The following PIK3C2G variants were observed in gnomAD, a reference collection of about 807,000 sequenced individuals.
PIK3C2G encodes the protein phosphatidylinositol 3-kinase C2 domain-containing subunit gamma.
Under a neutral mutation model 181.1 loss-of-function variants are expected in PIK3C2G, and 168 were observed. That is an observed-to-expected ratio of 0.93 (90% CI 0.82 to 1.05). PIK3C2G has a LOEUF of 1.05. Among genes scored for constraint, PIK3C2G ranks in the 50% least tolerant of loss-of-function variants. The probability of loss-of-function intolerance (pLI) is 0.00; values close to 1 mark genes in which losing one functional copy is unlikely to be tolerated. For synonymous variants in PIK3C2G, 573 were observed against 592.2 expected (o/e 0.97, Z 0.47); for missense variants, 1,869 against 1,732.8 (o/e 1.08, Z -1.40).
At chr12:18,352,791 T>A (rs1349974277) in intron 11 of PIK3C2G, among the ~76,000 whole-genome samples, 1 of 152,088 alleles carries the variant, frequency 6.6e-6, no homozygotes, top group Non-Finnish European at 1.5e-5. Context: ...CTGGCCAAAC[T>A]CTTCTTTGAG....
At chr12:18,501,708 G>A (rs1941496689) in intron 22 of PIK3C2G, among the ~76,000 whole-genome samples, 1 of 152,164 alleles carries the variant, frequency 6.6e-6, no homozygotes, top group Admixed American at 6.6e-5. Context: ...TAGCCACCAT[G>A]ATTACTATAA....
upstream of PIK3C2G, among the ~76,000 whole-genome samples, chr12:18,259,313 G>T (rs189452216): frequency 2.6e-5 from 4 of 152,206 alleles, no homozygotes; most frequent in Non-Finnish European, 5.9e-5. Flanking sequence ...GGAAAATGTG[G>T]AGCATGTATG....
intron 18 of PIK3C2G, among the ~76,000 whole-genome samples, chr12:18,454,820 G>C (rs921225210): frequency 6.6e-6 from 1 of 152,120 alleles, no homozygotes; most frequent in African/African-American, 2.4e-5. Context: ...AGAATTTACT[G>C]ATGAATTGGA....
chr12:18,677,813 T>C, the PIK3C2G span, among the ~76,000 whole-genome samples: 1 of 152,084 alleles, frequency 6.6e-6, no homozygotes, highest in Non-Finnish European at 1.5e-5. Context: ...CTAAAAAATA[T>C]AAGCACAAAT....
intron 24 of PIK3C2G, among the ~76,000 whole-genome samples, chr12:18,517,424 G>GT (rs1942623672): frequency 1.3e-5 from 2 of 152,228 alleles, no homozygotes; most frequent in South Asian, 4.1e-4. Context: ...GTAGTTTGTA[G>GT]TTTTCCTTGA....
intron 18 of PIK3C2G, among the ~76,000 whole-genome samples, chr12:18,440,152 A>G (rs921689688): frequency 3.3e-5 from 5 of 152,068 alleles, no homozygotes; most frequent in African/African-American, 1.2e-4. Context: ...CTAATGCAGT[A>G]TGGGGCCACG....
chr12:18,275,218 G>GT (rs1948931773), intron 1 of PIK3C2G, among the ~76,000 whole-genome samples: 1 of 152,250 alleles, frequency 6.6e-6, no homozygotes, highest in East Asian at 1.9e-4. Flanking sequence ...CAAAAAGTCT[G>GT]TTGACAATTT....
chr12:18,500,023 C>T (rs61914375), intron 22 of PIK3C2G, among the ~76,000 whole-genome samples: 5,602 of 152,380 alleles, frequency 0.037, 148 homozygotes, highest in Non-Finnish European at 0.054. Context: ...GGCGCCTCCT[C>T]TGCCTGGGCT....
At chr12:18,572,678 A>C (rs962725079) in intron 29 of PIK3C2G, among the ~76,000 whole-genome samples, 2 of 151,684 alleles carry the variant, frequency 1.3e-5, no homozygotes, top group Non-Finnish European at 2.9e-5. Context: ...TGCTTGTACC[A>C]TTTCTTCTCT....
chr12:18,254,307 A>G (rs1294044947), intron 1 of PIK3C2G, among the ~76,000 whole-genome samples: 3 of 152,050 alleles, frequency 2.0e-5, no homozygotes, highest in Admixed American at 2.0e-4. Flanking sequence ...CCAGAGGTCC[A>G]TCTATGACCA....
At chr12:18,568,729 T>TA (rs1945771203) in intron 29 of PIK3C2G, among the ~76,000 whole-genome samples, 1 of 152,114 alleles carries the variant, frequency 6.6e-6, no homozygotes, top group Admixed American at 6.5e-5. Flanking sequence ...TTTGACCAAA[T>TA]ACAGGGGCAC....
chr12:18,558,055 C>T (rs1191793933), intron 26 of PIK3C2G, among the ~76,000 whole-genome samples: 2 of 151,938 alleles, frequency 1.3e-5, no homozygotes, highest in Admixed American at 1.3e-4. Flanking sequence ...TAGTGAAGAG[C>T]CCCCTAAAGA....
At chr12:18,599,798 G>A (rs1262431523) in intron 30 of PIK3C2G, among the ~76,000 whole-genome samples, 1 of 151,788 alleles carries the variant, frequency 6.6e-6, no homozygotes, top group Non-Finnish European at 1.5e-5. Flanking sequence ...TTCAATCAGA[G>A]GTCACAATCT....
chr12:18,527,774 T>C (rs939151511), intron 24 of PIK3C2G, among the ~76,000 whole-genome samples: 1 of 152,108 alleles, frequency 6.6e-6, no homozygotes, highest in Non-Finnish European at 1.5e-5. Flanking sequence ...TATATTATAC[T>C]TAGGAAAGGA....
At chr12:18,474,830 C>G (rs1938813893) in intron 18 of PIK3C2G, among the ~76,000 whole-genome samples, 1 of 152,078 alleles carries the variant, frequency 6.6e-6, no homozygotes, top group African/African-American at 2.4e-5. Flanking sequence ...GAGTTAATGC[C>G]ATTTTCTAAG....
At chr12:18,533,779 C>T (rs1227746064) in intron 24 of PIK3C2G, among the ~76,000 whole-genome samples, 1 of 151,734 alleles carries the variant, frequency 6.6e-6, no homozygotes, top group Admixed American at 6.6e-5. Flanking sequence ...AGAAATATAC[C>T]CTAAAACTCT....
In PIK3C2G at chr12:18,606,080, G is replaced by A. The variant is rs567391484; in HGVS notation, c.4088-3455G>A. Among the ~76,000 whole-genome samples, 3 of 152,252 alleles carry A rather than the reference G, an allele frequency of 2.0e-5. No homozygotes were observed. In the South Asian group the frequency reaches 6.2e-4, roughly 32 times the overall value. On this transcript the variant is annotated intron_variant, in intron 30 of 32. Transcript: ENST00000538779. ...CTCCTACTGCTACATTGACTACTGA[G>A]TGTCAATTCCTAGTGGTGTGAGTTT...
At chr12:18,316,350 T>C (rs940368387) in intron 6 of PIK3C2G, among the ~76,000 whole-genome samples, 2 of 152,208 alleles carry the variant, frequency 1.3e-5, no homozygotes, top group Non-Finnish European at 2.9e-5. Flanking sequence ...GATAATCATA[T>C]TGCTGTCATC....
the PIK3C2G span, among the ~76,000 whole-genome samples, chr12:18,663,667 G>T: frequency 6.6e-6 from 1 of 151,778 alleles, no homozygotes. Context: ...TAGGACAAAA[G>T]CTTTATGATG....
Sources: allele counts gnomAD v4.1 joint callset (sites outside exome capture counted in the v4.1 genomes callset), GRCh38; gene constraint gnomAD v4.1.1; transcripts MANE v1.5; gene names NCBI Gene and HGNC (gene_info 2026-07-23, HGNC 2026-07-21).